INPP4B: variants seen among roughly 807,000 people sequenced by gnomAD.
INPP4B encodes inositol polyphosphate-4-phosphatase type II B, also known as inositol polyphosphate 4-phosphatase type II.
Under a neutral mutation model 122.5 loss-of-function variants are expected in INPP4B, and 55 were observed. The observed-to-expected ratio is 0.45, with a 90% CI of 0.36 to 0.56. INPP4B has a LOEUF of 0.56. Among genes scored for constraint, INPP4B ranks in the 20% least tolerant of loss-of-function variants. INPP4B has a pLI of 0.00. For missense variants in INPP4B, 1,000 were observed against 1,097.7 expected (o/e 0.91, Z 1.26); for synonymous variants, 403 against 388.7 (o/e 1.04, Z -0.43).
chr4:142,251,725 T>G (rs1272169943), intron 11 of INPP4B, among the ~76,000 whole-genome samples: 1 of 152,236 alleles, frequency 6.6e-6, no homozygotes, highest in African/African-American at 2.4e-5. Context: ...AATTGTATTT[T>G]GTTTATCTGT....
rs1165285747 is a variant in INPP4B at position 142,193,192 on chromosome 4, G to A, written c.1076C>T (p.Ala359Val). ...MQVHSPHLKD[A>V]LYDVITVGAP... ...TCCCACAGTGATGACATCGTAGAGA[G>A]CATCTGGAGTAGAAACAGACAAGGA... The change falls in exon 15 of 26, where the codon GCT becomes GTT. Residue 359 changes from alanine to valine, a missense_variant. Coordinates refer to ENST00000262992, the MANE Select transcript of INPP4B (RefSeq NM_001101669.3). 1.9e-6 allele frequency: 3 copies of A among 1,593,770 alleles called. No homozygotes were observed. The highest frequency in any genetic ancestry group is 1.3e-5 in the African/African-American group (1 of 74,476).
intron 2 of INPP4B, among the ~76,000 whole-genome samples, chr4:142,479,520 T>C (rs762832579): frequency 5.3e-5 from 8 of 152,264 alleles, no homozygotes; most frequent in East Asian, 1.9e-4. Flanking sequence ...TGAATGTTCA[T>C]TGGAGCACTA....
rs1026831814 is a variant in INPP4B at position 142,348,465 on chromosome 4, A to G, written c.373-33703T>C. The stretch of plus-strand genomic sequence containing the variant: ...AGGTTAATTACTGAGTTCCAGCACC[A>G]GCTTCTCCCTCCTGCCCCTCCAATT... On this transcript the variant is annotated intron_variant, in intron 7 of 25. Coordinates refer to ENST00000262992, the MANE Select transcript of INPP4B (RefSeq NM_001101669.3). Among the ~76,000 whole-genome samples the G allele has an allele frequency of 3.3e-5, 5 of 152,188 alleles. No individual in the cohort carries two copies. In the South Asian group the frequency reaches 1.0e-3, roughly 31 times the overall value.
intron 7 of INPP4B, among the ~76,000 whole-genome samples, chr4:142,318,167 T>C (rs1434399008): frequency 6.6e-6 from 1 of 151,682 alleles, no homozygotes; most frequent in East Asian, 1.9e-4. Context: ...TTTTCAGCAC[T>C]GCAAACAGTA....
chr4:142,703,462 A>G (rs537906647), intron 2 of INPP4B, among the ~76,000 whole-genome samples: 1 of 152,278 alleles, frequency 6.6e-6, no homozygotes, highest in Admixed American at 6.5e-5. Flanking sequence ...CCTTAAACAG[A>G]TTGTTAAGAA....
intron 8 of INPP4B, among the ~76,000 whole-genome samples, chr4:142,312,521 C>T (rs1395627859): frequency 6.6e-6 from 1 of 152,164 alleles, no homozygotes; most frequent in African/African-American, 2.4e-5. Flanking sequence ...GATCCAGTGC[C>T]TGAAGCTGCT....
At chr4:142,312,642 T>G (rs1765948732) in intron 8 of INPP4B, among the ~76,000 whole-genome samples, 1 of 152,138 alleles carries the variant, frequency 6.6e-6, no homozygotes, top group African/African-American at 2.4e-5. Context: ...GTGCGTTTCA[T>G]GTATTTGGAC....
chr4:142,149,943 C>T (rs1409571332), intron 17 of INPP4B, among the ~76,000 whole-genome samples: 5 of 152,246 alleles, frequency 3.3e-5, no homozygotes, highest in African/African-American at 1.2e-4. Flanking sequence ...GACTGGAGTA[C>T]ATGATAGTCA....
intron 2 of INPP4B, among the ~76,000 whole-genome samples, chr4:142,616,288 G>A (rs932255129): frequency 6.6e-6 from 1 of 152,032 alleles, no homozygotes; most frequent in African/African-American, 2.4e-5. Context: ...TCCTAGAGAG[G>A]GAGTCTTAAA....
At chr4:142,476,917 C>T (rs979391776) in intron 2 of INPP4B, among the ~76,000 whole-genome samples, 3 of 152,098 alleles carry the variant, frequency 2.0e-5, no homozygotes, top group African/African-American at 7.2e-5. Flanking sequence ...AGGAAAGTAA[C>T]AAAGATATTC....
rs1809245446 is a variant in INPP4B, at chr4:142,431,273, A to G, written c.-14T>C. On this transcript the variant is annotated 5_prime_UTR_variant, in exon 4 of 26. Transcript: ENST00000262992. ...TTTAATTTCCATGATCAACCTTCAC[A>G]GTTTTAAAATTTTCCAAATTTTCTT... 1 of 1,609,118 alleles carries G rather than the reference A, an allele frequency of 6.2e-7. No individual in the cohort carries two copies.
At chr4:142,054,031 C>G (rs1756126941) in intron 25 of INPP4B, among the ~76,000 whole-genome samples, 1 of 134,328 alleles carries the variant, frequency 7.4e-6, no homozygotes, top group Non-Finnish European at 1.7e-5. Context: ...TTTTATAATT[C>G]TAATCGACCC....
At chr4:142,690,575 G>C (rs1218806588) in intron 2 of INPP4B, among the ~76,000 whole-genome samples, 4 of 152,084 alleles carry the variant, frequency 2.6e-5, no homozygotes, top group African/African-American at 9.7e-5. Flanking sequence ...TTGATTTAGT[G>C]TCAATTTAAC....
In INPP4B at chr4:142,347,537, G is replaced by C. The variant is rs772415926; in HGVS notation, c.373-32775C>G. 81 of 441,178 alleles carry C rather than the reference G, an allele frequency of 1.8e-4. 2 individuals are homozygous for C. Among genetic ancestry groups the C allele is most frequent in the South Asian group, 9.5e-4 (59 of 61,808 alleles). The allele number at this position is 441,178 out of a possible 1,614,324, so 27.3% of individuals were successfully genotyped here. On this transcript the variant is annotated intron_variant, in intron 7 of 25. Coordinates refer to ENST00000262992, the MANE Select transcript of INPP4B (RefSeq NM_001101669.3). Reference sequence around the variant, plus strand: ...CAGGGGTCAAAAAATTCACAGTGAAGTTAATCTGTTGATCCTGAACTGAAT... The same window carrying C: ...CAGGGGTCAAAAAATTCACAGTGAACTTAATCTGTTGATCCTGAACTGAAT...
At chr4:142,490,499 G>T (rs1821742676) in intron 2 of INPP4B, among the ~76,000 whole-genome samples, 1 of 152,036 alleles carries the variant, frequency 6.6e-6, no homozygotes, top group Non-Finnish European at 1.5e-5. Context: ...TGTATACATT[G>T]TGCAATAGCT....
At chr4:142,747,421 T>TG (rs1768931195) in intron 1 of INPP4B, among the ~76,000 whole-genome samples, 1 of 152,152 alleles carries the variant, frequency 6.6e-6, no homozygotes, top group Non-Finnish European at 1.5e-5. Context: ...ACGCTGTTGG[T>TG]GGGAGTGTAA....
intron 1 of INPP4B, among the ~76,000 whole-genome samples, chr4:142,805,822 AGTT>A (rs1162486808): frequency 1.3e-5 from 2 of 152,184 alleles, no homozygotes; most frequent in Admixed American, 6.5e-5. Context: ...GTAGGCTATT[AGTT>A]GTTGTTTTTG....
chr4:142,721,777 C>T (rs35053070), intron 2 of INPP4B, among the ~76,000 whole-genome samples: 4,050 of 152,048 alleles, frequency 0.027, 59 homozygotes, highest in South Asian at 0.05. Context: ...GCCGAGATCG[C>T]GCCACTGCAC....
At position 142,573,870 on chromosome 4, in the gene INPP4B, T is replaced by C. The variant is rs532110486; in HGVS notation, c.-190-111144A>G. 1.5e-3 allele frequency among the ~76,000 whole-genome samples: 227 copies of C among 152,252 alleles called. 2 individuals carry two copies. Among genetic ancestry groups the C allele is most frequent in the African/African-American group, 5.1e-3 (213 of 41,558 alleles). On this transcript the variant is annotated intron_variant, in intron 2 of 25. Coordinates refer to ENST00000262992, the MANE Select transcript of INPP4B (RefSeq NM_001101669.3). ...TGCATTCTATTGACAGTTTACATTC[T>C]CCAATTTTCTCATATCTCTCTACTT... is the stretch of plus-strand genomic sequence containing the variant.
Sources: allele counts gnomAD v4.1 joint callset (sites outside exome capture counted in the v4.1 genomes callset), GRCh38; gene constraint gnomAD v4.1.1; transcripts MANE v1.5; gene names NCBI Gene and HGNC (gene_info 2026-07-23, HGNC 2026-07-21).